The following PCDH17 variants were observed in gnomAD, a reference collection of about 807,000 sequenced individuals.
The protein encoded by PCDH17 is protocadherin 17, also known as protocadherin-17.
A neutral mutation model predicts 67.7 loss-of-function variants in PCDH17; 21 were observed. That is an observed-to-expected ratio of 0.31 (90% CI 0.22 to 0.45). The LOEUF is 0.45. Ranked by LOEUF, PCDH17 falls within the 20% of genes least tolerant of loss-of-function variation. PCDH17 has a pLI of 1.00. For missense variants in PCDH17, 1,471 were observed against 1,564.8 expected, an observed-to-expected ratio of 0.94 and a Z score of 1.01; for synonymous variants, 701 against 656.7, an observed-to-expected ratio of 1.07 and a Z score of -1.03.
At chr13:57,702,507 TA>T (rs1955676679) in intron 3 of PCDH17, among the ~76,000 whole-genome samples, 1 of 152,136 alleles carries the variant, frequency 6.6e-6, no homozygotes, top group African/African-American at 2.4e-5. Context: ...AGTAAAACTT[TA>T]AATCCGGCTG....
Position 57,725,311 on chromosome 13 carries a change from A to AT in PCDH17, c.*17_*18insT. On this transcript the variant is annotated 3_prime_UTR_variant, in exon 4 of 4. Coordinates refer to ENST00000377918, the MANE Select transcript of PCDH17 (RefSeq NM_001040429.3). ...AGAAAGTGAAAAAAGAAAAAAAAAA[A>AT]GGCATTGGCATTTTCTTGTCTCTTC... 1.9e-6 allele frequency: 3 copies of AT among 1,573,938 alleles called. No individual in the cohort carries two copies. Among genetic ancestry groups the AT allele is most frequent in the Non-Finnish European group, 2.6e-6 (3 of 1,159,146 alleles).
At chr13:57,683,792 G>A (rs957634997) in intron 3 of PCDH17, among the ~76,000 whole-genome samples, 2 of 151,820 alleles carry the variant, frequency 1.3e-5, no homozygotes, top group East Asian at 1.9e-4. Context: ...ATAGTAGTGG[G>A]CAGTTATTTG....
chr13:57,663,303 T>A (rs1955207574), intron 1 of PCDH17, among the ~76,000 whole-genome samples: 1 of 152,132 alleles, frequency 6.6e-6, no homozygotes, highest in Non-Finnish European at 1.5e-5. Flanking sequence ...AATATTCGTG[T>A]TTAATTACTC....
chr13:57,681,820 G>A (rs915158878), intron 3 of PCDH17, among the ~76,000 whole-genome samples: 1 of 151,684 alleles, frequency 6.6e-6, no homozygotes. Flanking sequence ...CAATAAATAA[G>A]ATCACTTTTT....
chr13:57,713,804 G>A lies in PCDH17; in HGVS notation c.2798-10808G>A, dbSNP rs116658459. ...TAGTTTTTACATTTTTGTTATATAA[G>A]TACCTGTTGCAGAATCATTTATGGA... On this transcript the variant is annotated intron_variant, in intron 3 of 3. Coordinates refer to ENST00000377918, the MANE Select transcript of PCDH17 (RefSeq NM_001040429.3). Among the ~76,000 whole-genome samples, 1,462 of 151,616 alleles carry A rather than the reference G, an allele frequency of 9.6e-3. 20 individuals are homozygous for A. Among genetic ancestry groups the A allele is most frequent in the African/African-American group, 0.033 (1,380 of 41,454 alleles).
intron 3 of PCDH17, among the ~76,000 whole-genome samples, chr13:57,699,907 C>T (rs942948147): frequency 6.6e-6 from 1 of 151,920 alleles, no homozygotes; most frequent in East Asian, 1.9e-4. Flanking sequence ...TTAAAATGAC[C>T]TCTTCAGAAC....
intron 1 of PCDH17, among the ~76,000 whole-genome samples, chr13:57,664,491 GA>G (rs542508723): frequency 1.3e-5 from 2 of 152,142 alleles, no homozygotes; most frequent in African/African-American, 4.8e-5. Flanking sequence ...CAGGACAAGA[GA>G]AAAAAAGTTT....
At chr13:57,663,188 A>G (rs1247423939) in intron 1 of PCDH17, among the ~76,000 whole-genome samples, 1 of 152,164 alleles carries the variant, frequency 6.6e-6, no homozygotes, top group African/African-American at 2.4e-5. Context: ...TAAACAAATC[A>G]TCATGTTTAT....
intron 3 of PCDH17, among the ~76,000 whole-genome samples, chr13:57,719,187 A>G (rs1397016718): frequency 6.6e-6 from 1 of 152,074 alleles, no homozygotes; most frequent in Non-Finnish European, 1.5e-5. Flanking sequence ...CCATTTATAG[A>G]GTTGTCTACT....
intron 1 of PCDH17, among the ~76,000 whole-genome samples, chr13:57,657,266 T>G (rs1955117443): frequency 6.6e-6 from 1 of 152,164 alleles, no homozygotes; most frequent in Non-Finnish European, 1.5e-5. Context: ...TGTCCTCTCA[T>G]TTTTAATTTA....
intron 2 of PCDH17, 29 bp from the exon 3 acceptor site, chr13:57,666,632 T>A (rs756113593): frequency 2.5e-6 from 4 of 1,608,332 alleles, no homozygotes; most frequent in Non-Finnish European, 3.4e-6. Flanking sequence ...GACAACACTT[T>A]CTCTTCTTTT....
intron 1 of PCDH17, among the ~76,000 whole-genome samples, chr13:57,650,073 CAA>C (rs1334300521): frequency 6.6e-6 from 1 of 151,972 alleles, no homozygotes; most frequent in African/African-American, 2.4e-5. Context: ...TATATTTACA[CAA>C]AAGTGTCTAA....
chr13:57,690,906 G>A (rs1256077476), intron 3 of PCDH17, among the ~76,000 whole-genome samples: 7 of 151,412 alleles, frequency 4.6e-5, no homozygotes, highest in Non-Finnish European at 1.0e-4. Flanking sequence ...CAGTGTAACT[G>A]TATAACCTTT....
At position 57,634,941 on chromosome 13, in the gene PCDH17, G is replaced by C. The variant is rs756617213; in HGVS notation, c.2395G>C (p.Asp799His). The C allele has an allele frequency of 1.2e-6, 2 of 1,613,516 alleles. No homozygotes were observed. Among genetic ancestry groups the C allele is most frequent in the Admixed American group, 1.7e-5 (1 of 59,984 alleles). Residue 799 changes from aspartate (D) to histidine (H), a missense_variant, in exon 1 of 4, where the codon GAC becomes CAC. Around this residue, in one of 3 missense-constraint regions of PCDH17, gnomAD observed 1,163 missense variants for 1,230.0 expected, o/e 0.95. Coordinates refer to ENST00000377918, the MANE Select transcript of PCDH17 (RefSeq NM_001040429.3). This position sits in a 1 kb window ranked among gnomAD's most constrained non-coding sequence, Gnocchi z 7.8. ...PSLATSPMYF[D>H]YQTRLPLSSP... ...CCTGGCCACCTCCCCCATGTACTTC[G>C]ACTACCAGACCCGCCTGCCCCTCAG...
chr13:57,722,979 G>GA (rs567509582), intron 3 of PCDH17, among the ~76,000 whole-genome samples: 16 of 151,860 alleles, frequency 1.1e-4, no homozygotes, highest in East Asian at 1.9e-4. Flanking sequence ...AGAGGCTTCT[G>GA]AAAAAAAATA....
At chr13:57,684,971 A>G (rs962196945) in intron 3 of PCDH17, among the ~76,000 whole-genome samples, 7 of 151,958 alleles carry the variant, frequency 4.6e-5, no homozygotes, top group African/African-American at 1.7e-4. Context: ...AGCTAATAAT[A>G]CAGCACAGTA....
At position 57,640,828 on chromosome 13, in the gene PCDH17, T is replaced by C. The variant is rs572946405; in HGVS notation, c.2565+5717T>C. ...CCCATGCCAGTTAGGAAGTAAAACT[T>C]AACTCCCTAATGCTGAGAAGTCTTG... On this transcript the variant is annotated intron_variant, in intron 1 of 3. Transcript: ENST00000377918. 2.0e-5 allele frequency among the ~76,000 whole-genome samples: 3 copies of C among 152,146 alleles called. No individual in the cohort carries two copies. The East Asian group carries it at 5.8e-4, about 29-fold the overall frequency.
At chr13:57,672,547 A>G (rs1205382222) in intron 3 of PCDH17, among the ~76,000 whole-genome samples, 1 of 152,028 alleles carries the variant, frequency 6.6e-6, no homozygotes, top group Non-Finnish European at 1.5e-5. Context: ...AGAAAGCTAT[A>G]GCAAGGAAAT....
At chr13:57,647,526 A>G (rs1954979494) in intron 1 of PCDH17, among the ~76,000 whole-genome samples, 2 of 151,888 alleles carry the variant, frequency 1.3e-5, no homozygotes, top group African/African-American at 2.4e-5. Flanking sequence ...ATGTTTAACT[A>G]TATGCACATT....
Sources: allele counts gnomAD v4.1 joint callset (sites outside exome capture counted in the v4.1 genomes callset), GRCh38; gene constraint gnomAD v4.1.1; regional missense constraint gnomAD v4.1.1; non-coding constraint Gnocchi (gnomAD v3.1); transcripts MANE v1.5; gene names NCBI Gene and HGNC (gene_info 2026-07-23, HGNC 2026-07-21).